Variants in CPEB1 observed in about 807,000 individuals in gnomAD.
CPEB1 encodes cytoplasmic polyadenylation element-binding protein 1.
Under a neutral mutation model 65.8 loss-of-function variants are expected in CPEB1, and 7 were observed. The observed-to-expected ratio is 0.11, with a 90% CI of 0.06 to 0.20. The LOEUF (loss-of-function observed/expected upper bound fraction) is 0.20, where lower values mean the gene tolerates loss of function less well. CPEB1 is among the 10% of genes least tolerant of loss of function. The pLI is 1.00. For synonymous variants in CPEB1, 262 were observed against 260.0 expected, an observed-to-expected ratio of 1.01 and a Z score of -0.08; for missense variants, 551 against 712.2, an observed-to-expected ratio of 0.77 and a Z score of 2.58.
chr15:82,628,409 A>G lies in CPEB1; in HGVS notation c.51T>C (p.Gly17=), dbSNP rs533290061. ...AATCTGATAGAGATGAGTGCTCCAAACCAGTGCCAGACATGGAAGACGATG... is the reference window on the plus strand; with the variant it reads ...AATCTGATAGAGATGAGTGCTCCAAGCCAGTGCCAGACATGGAAGACGATG... ...TSTSSSMSGT[G]LEHSSLSDCL... Residue 17 remains glycine (G), a synonymous_variant, in exon 2 of 13, where the codon GGT becomes GGC. Coordinates refer to ENST00000684509, the MANE Select transcript of CPEB1 (RefSeq NM_001365242.1). 7.3e-5 allele frequency: 51 copies of G among 702,918 alleles called. No individual in the cohort carries two copies. The highest frequency in any genetic ancestry group is 5.9e-4 in the South Asian group (40 of 67,592). 43.5% of individuals were successfully genotyped at this position (702,918 alleles called of 1,614,324 possible). A position where few individuals can be genotyped will look rare whatever the true frequency, so the allele number is the denominator to read the frequency against.
At chr15:82,548,862 G>C (rs1351331073) in intron 10 of CPEB1, 1 of 344,170 alleles carries the variant, frequency 2.9e-6, no homozygotes, top group Non-Finnish European at 5.9e-6. Flanking sequence ...GTTAATCACA[G>C]AGGTCAGGCT....
At chr15:82,577,994 G>C (rs1036337572) in intron 3 of CPEB1, among the ~76,000 whole-genome samples, 1 of 152,094 alleles carries the variant, frequency 6.6e-6, no homozygotes, top group African/African-American at 2.4e-5. Context: ...CAAAAAATTA[G>C]CCGGGCATGG....
At chr15:82,605,909 A>G (rs942026041) in intron 3 of CPEB1, among the ~76,000 whole-genome samples, 1 of 152,082 alleles carries the variant, frequency 6.6e-6, no homozygotes, top group Non-Finnish European at 1.5e-5. Context: ...GTGATGCCGC[A>G]TGTCTGTAAT....
chr15:82,630,706 TGGC>T (rs1443126070), intron 1 of CPEB1, among the ~76,000 whole-genome samples: 10 of 151,932 alleles, frequency 6.6e-5, no homozygotes, highest in African/African-American at 2.4e-4. Flanking sequence ...CAAGCCAAGG[TGGC>T]CTGGAGGGAC....
At chr15:82,605,432 T>G (rs549917401) in intron 3 of CPEB1, among the ~76,000 whole-genome samples, 1 of 152,264 alleles carries the variant, frequency 6.6e-6, no homozygotes, top group East Asian at 1.9e-4. Context: ...TACAAAGTTT[T>G]GACCAGGATA....
At chr15:82,599,360 A>T (rs914767812) in intron 3 of CPEB1, among the ~76,000 whole-genome samples, 1 of 152,194 alleles carries the variant, frequency 6.6e-6, no homozygotes, top group African/African-American at 2.4e-5. Flanking sequence ...ATATTGAAAT[A>T]CAACAGAATT....
intron 1 of CPEB1, chr15:82,629,457 T>TAC (rs990118520): frequency 1.0e-5 from 10 of 979,910 alleles, no homozygotes; most frequent in Non-Finnish European, 1.2e-5. Flanking sequence ...CCTATATATA[T>TAC]ATATAAAAAA....
At chr15:82,621,051 G>T (rs533115199) in intron 3 of CPEB1, among the ~76,000 whole-genome samples, 16 of 152,204 alleles carry the variant, frequency 1.1e-4, no homozygotes, top group Non-Finnish European at 2.4e-4. Context: ...AGTTTATTTT[G>T]TGGGAAACAA....
At chr15:82,571,637 C>T in intron 3 of CPEB1, 105 bp from the exon 4 acceptor site, 1 of 1,471,568 alleles carries the variant, frequency 6.8e-7, no homozygotes. Context: ...GGCTCACAGG[C>T]CAGACATCCA....
intron 3 of CPEB1, among the ~76,000 whole-genome samples, chr15:82,573,650 C>G (rs78318126): frequency 1.3e-5 from 2 of 152,038 alleles, no homozygotes; most frequent in African/African-American, 4.8e-5. Context: ...CCATCCCTCA[C>G]GAGGAGAGAA....
At chr15:82,577,057 A>G (rs2040726782) in intron 3 of CPEB1, among the ~76,000 whole-genome samples, 1 of 152,230 alleles carries the variant, frequency 6.6e-6, no homozygotes, top group Non-Finnish European at 1.5e-5. Flanking sequence ...GAGGCATTAT[A>G]GTAGAAATTT....
chr15:82,577,936 CG>C (rs1199908685), intron 3 of CPEB1, among the ~76,000 whole-genome samples: 14 of 152,080 alleles, frequency 9.2e-5, no homozygotes, highest in African/African-American at 3.4e-4. Context: ...GTCAGGAGAT[CG>C]AGACCATCCT....
chr15:82,628,100 A>C, intron 2 of CPEB1: 1 of 663,664 alleles, frequency 1.5e-6, no homozygotes, highest in Non-Finnish European at 2.7e-6. Flanking sequence ...AGAGAACCCC[A>C]ATAGAGAGAA....
chr15:82,624,038 AAG>A (rs2045543050), intron 3 of CPEB1, among the ~76,000 whole-genome samples: 1 of 152,234 alleles, frequency 6.6e-6, no homozygotes, highest in Admixed American at 6.5e-5. Flanking sequence ...TTTTGATCAG[AAG>A]CTACAAGTTT....
intron 3 of CPEB1, among the ~76,000 whole-genome samples, chr15:82,590,321 T>C (rs2042145042): frequency 6.6e-6 from 1 of 152,068 alleles, no homozygotes; most frequent in African/African-American, 2.4e-5. Flanking sequence ...CACATATTTT[T>C]TCCTCCTTGG....
chr15:82,546,607 A>G, intron 11 of CPEB1, 86 bp from the exon 12 acceptor site: 1 of 956,186 alleles, frequency 1.0e-6, no homozygotes, highest in South Asian at 1.3e-5. Flanking sequence ...ATTATTGGCC[A>G]CACACAGGAA....
chr15:82,557,664 G>A (rs1327184672), intron 5 of CPEB1, 96 bp downstream of exon 5: 2 of 1,016,556 alleles, frequency 2.0e-6, no homozygotes, highest in African/African-American at 3.2e-5. Context: ...CTGCATTCCA[G>A]GGGACAGGCA....
rs2040329305 is a variant in CPEB1 at position 82,573,629 on chromosome 15, T to G, written c.272-2097A>C. Among the ~76,000 whole-genome samples, 2 of 152,106 alleles carry G rather than the reference T, an allele frequency of 1.3e-5. 1 individual carries two copies. The highest frequency in any genetic ancestry group is 4.1e-4 in the South Asian group (2 of 4,824). Reference sequence around the variant, plus strand: ...CCATTAAAATCAGGGTGACTGTGCATATGATTACCCCCATCCCTCACGAGG... The same window carrying G: ...CCATTAAAATCAGGGTGACTGTGCAGATGATTACCCCCATCCCTCACGAGG... On this transcript the variant is annotated intron_variant, in intron 3 of 12. Transcript: ENST00000684509.
At chr15:82,629,837 T>G in intron 1 of CPEB1, 1 of 985,408 alleles carries the variant, frequency 1.0e-6, no homozygotes, top group Non-Finnish European at 1.2e-6. Context: ...ACCAAGAGCA[T>G]TTACAGTTTT....
Sources: gnomAD v4.1 joint callset for allele counts (sites outside exome capture counted in the v4.1 genomes callset) on GRCh38, gnomAD v4.1.1 for gene constraint, MANE v1.5 for transcripts, NCBI Gene and HGNC (gene_info 2026-07-23, HGNC 2026-07-21) for gene names.